Variants in RASGEF1C observed in about 807,000 individuals in gnomAD.
The protein encoded by RASGEF1C is ras-GEF domain-containing family member 1C.
RASGEF1C carries 27 observed loss-of-function variants against 58.1 expected under a neutral mutation model. That is an observed-to-expected ratio of 0.46 (90% confidence interval 0.34 to 0.64). The LOEUF (loss-of-function observed/expected upper bound fraction) is 0.64. Among genes scored for constraint, RASGEF1C ranks in the 30% least tolerant of loss-of-function variants. The pLI is 0.01. For missense variants in RASGEF1C, 502 were observed against 605.1 expected, an observed-to-expected ratio of 0.83 and a Z score of 1.79; for synonymous variants, 243 against 246.3, an observed-to-expected ratio of 0.99 and a Z score of 0.13.
At chr5:180,170,611 C>T (rs1017375905) in intron 1 of RASGEF1C, among the ~76,000 whole-genome samples, 5 of 152,194 alleles carry the variant, frequency 3.3e-5, no homozygotes, top group Admixed American at 1.3e-4. Flanking sequence ...GCCAAAGTCA[C>T]CATCTGGTTT....
intron 6 of RASGEF1C, among the ~76,000 whole-genome samples, chr5:180,125,728 G>A (rs905870950): frequency 4.6e-5 from 7 of 151,986 alleles, no homozygotes; most frequent in Non-Finnish European, 7.4e-5. Context: ...GTTGCAATGA[G>A]CCGAGATCGC....
intron 10 of RASGEF1C, among the ~76,000 whole-genome samples, chr5:180,114,786 G>T (rs952494789): frequency 6.6e-6 from 1 of 152,214 alleles, no homozygotes; most frequent in Admixed American, 6.5e-5. Context: ...GCATCACCCT[G>T]CAGAGCGCCG....
chr5:180,131,243 C>T lies in RASGEF1C; in HGVS notation c.439-2633G>A, dbSNP rs189714458. ...GCTTGTGCAAAGATAGGAGCCCTGG[C>T]GTGACTCTGAGGCTCCGAGGTCAGC... is the stretch of plus-strand genomic sequence containing the variant. On this transcript the variant is annotated intron_variant, in intron 4 of 13. Coordinates refer to ENST00000361132, the MANE Select transcript of RASGEF1C (RefSeq NM_175062.4). 8.1e-4 allele frequency among the ~76,000 whole-genome samples: 123 copies of T among 152,232 alleles called. 1 individual carries two copies. In the East Asian group the frequency reaches 0.019, roughly 23 times the overall value.
At chr5:180,153,455 C>CA (rs1766797695) in intron 1 of RASGEF1C, among the ~76,000 whole-genome samples, 1 of 152,176 alleles carries the variant, frequency 6.6e-6, no homozygotes, top group African/African-American at 2.4e-5. Flanking sequence ...TCTGGAGCTG[C>CA]AAGCTTTCAA....
Position 180,128,422 on chromosome 5 carries a change from G to A in RASGEF1C, c.627C>T (p.Thr209=), listed in dbSNP as rs1188970076. ...SDPYTLAQQL[T]HVELERLRHI... is the part of the protein sequence containing the mutation. The stretch of plus-strand genomic sequence containing the variant: ...TGGGCCGGCTTACCAGTTCCACGTG[G>A]GTCAGCTGCTGGGCCAGTGTGTAGG... The change falls in exon 5 of 14, where the codon ACC becomes ACT. Residue 209 remains threonine, a synonymous_variant. Transcript: ENST00000361132. 1 of 1,613,458 alleles carries A rather than the reference G, an allele frequency of 6.2e-7. No homozygotes were observed. Among genetic ancestry groups the A allele is most frequent in the Non-Finnish European group, 8.5e-7 (1 of 1,179,936 alleles).
intron 1 of RASGEF1C, among the ~76,000 whole-genome samples, chr5:180,161,245 G>A (rs1450146115): frequency 2.6e-5 from 4 of 152,258 alleles, no homozygotes; most frequent in Non-Finnish European, 5.9e-5. Context: ...AGAAGGTGCA[G>A]GGAGGCCCTG....
chr5:180,138,158 C>A (rs533993995), intron 1 of RASGEF1C, 100 bp from the exon 2 acceptor site: 2 of 684,230 alleles, frequency 2.9e-6, no homozygotes, highest in African/African-American at 1.9e-5. Flanking sequence ...GCTGGGCAGG[C>A]TCCCCCCACA....
intron 12 of RASGEF1C, among the ~76,000 whole-genome samples, chr5:180,105,756 G>T (rs1419923854): frequency 6.6e-6 from 1 of 151,752 alleles, no homozygotes; most frequent in Non-Finnish European, 1.5e-5. Flanking sequence ...TAATCCCAGT[G>T]ACTTGGGTGG....
intron 1 of RASGEF1C, among the ~76,000 whole-genome samples, chr5:180,157,915 T>A (rs1463899271): frequency 6.6e-6 from 1 of 152,150 alleles, no homozygotes; most frequent in Admixed American, 6.5e-5. Flanking sequence ...ACCCATAGAA[T>A]GTACAACACC....
At chr5:180,170,788 T>C (rs1767097096) in intron 1 of RASGEF1C, among the ~76,000 whole-genome samples, 1 of 152,224 alleles carries the variant, frequency 6.6e-6, no homozygotes, top group Admixed American at 6.5e-5. Flanking sequence ...CCAAACAGGC[T>C]TCACAGGTGC....
At chr5:180,114,886 G>A (rs370925849) in intron 10 of RASGEF1C, among the ~76,000 whole-genome samples, 123 of 152,330 alleles carry the variant, frequency 8.1e-4, no homozygotes, top group African/African-American at 2.7e-3. Flanking sequence ...GGGAGGGGCT[G>A]GTAGGTCTCC....
Position 180,156,828 on chromosome 5 carries a change from A to G in RASGEF1C, c.-6-18770T>C, listed in dbSNP as rs1370527490. Among the ~76,000 whole-genome samples the G allele has an allele frequency of 1.3e-5, 2 of 152,224 alleles. No homozygotes were observed. Among genetic ancestry groups the G allele is most frequent in the Non-Finnish European group, 2.9e-5 (2 of 68,044 alleles). ...AGAAATCTTACAACTTAATAATAAG[A>G]AAACAAACAACCTGATTAATAAAGG... is the stretch of plus-strand genomic sequence containing the variant. On this transcript the variant is annotated intron_variant, in intron 1 of 13. Coordinates refer to ENST00000361132, the MANE Select transcript of RASGEF1C (RefSeq NM_175062.4). The surrounding 1 kb of genome is among the most constrained non-coding windows in gnomAD (Gnocchi z 4.9).
intron 1 of RASGEF1C, among the ~76,000 whole-genome samples, chr5:180,163,253 C>CTTT (rs1561747791): frequency 2.0e-4 from 1 of 5,060 alleles, no homozygotes; most frequent in African/African-American, 3.3e-4. Flanking sequence ...TTTTTTTTTT[C>CTTT]CAGCCTATTG....
chr5:180,132,278 A>G (rs954680653), intron 4 of RASGEF1C, among the ~76,000 whole-genome samples: 1 of 152,130 alleles, frequency 6.6e-6, no homozygotes, highest in Non-Finnish European at 1.5e-5. Flanking sequence ...TATTTCCACA[A>G]GCCATCTGCT....
rs1410373154 is a variant in RASGEF1C at position 180,137,628 on chromosome 5, TGCA to T, written c.259_261del (p.Cys87del). The T allele has an allele frequency of 6.2e-7, 1 of 1,612,014 alleles. No homozygotes were observed. Among genetic ancestry groups the T allele is most frequent in the East Asian group, 2.2e-5 (1 of 44,826 alleles). On this transcript the variant is annotated inframe_deletion, in exon 3 of 14. Transcript: ENST00000361132. The surrounding 1 kb of genome is among the most constrained non-coding windows in gnomAD (Gnocchi z 4.1). ...GGCTTGTCCAGCTGCTGCTGCTCGA[TGCA>T]CAGGTGGCAGACCCGGGCCAGGAGC...
At chr5:180,152,762 A>G (rs1432907025) in intron 1 of RASGEF1C, among the ~76,000 whole-genome samples, 1 of 151,920 alleles carries the variant, frequency 6.6e-6, no homozygotes, top group East Asian at 1.9e-4. Flanking sequence ...AATACAAAAA[A>G]TTAGCTGGGC....
intron 1 of RASGEF1C, among the ~76,000 whole-genome samples, chr5:180,170,773 G>A (rs1209392964): frequency 6.6e-6 from 1 of 152,208 alleles, no homozygotes; most frequent in Non-Finnish European, 1.5e-5. Flanking sequence ...TCGGAGCCCC[G>A]ACAGCCAAAC....
chr5:180,176,011 AG>A (rs1411579026), intron 1 of RASGEF1C, among the ~76,000 whole-genome samples: 1 of 152,234 alleles, frequency 6.6e-6, no homozygotes, highest in Non-Finnish European at 1.5e-5. Context: ...AGGTATTCAA[AG>A]AAACACATAA....
chr5:180,105,486 C>T (rs1436146981), intron 12 of RASGEF1C, among the ~76,000 whole-genome samples: 4 of 151,554 alleles, frequency 2.6e-5, no homozygotes, highest in South Asian at 2.1e-4. Context: ...GGTGTGAACC[C>T]GGGAGGCGGA....
Sources: gnomAD v4.1 joint callset for allele counts (sites outside exome capture counted in the v4.1 genomes callset) on GRCh38, gnomAD v4.1.1 for gene constraint, Gnocchi (gnomAD v3.1) non-coding constraint, MANE v1.5 for transcripts, NCBI Gene and HGNC (gene_info 2026-07-23, HGNC 2026-07-21) for gene names.